The following SNX22 variants were observed in gnomAD, a reference collection of about 807,000 sequenced individuals.
SNX22 encodes the protein sorting nexin 22.
A neutral mutation model predicts 24.7 loss-of-function variants in SNX22; 23 were observed. The observed-to-expected ratio is 0.93, with a 90% CI of 0.67 to 1.32. The LOEUF is 1.32. SNX22 is among the 40% of genes most tolerant of loss of function. SNX22 has a pLI of 0.00. For missense variants in SNX22, 261 were observed against 249.9 expected (o/e 1.04, Z -0.30); for synonymous variants, 99 against 104.0 (o/e 0.95, Z 0.29).
rs559755138 is a variant in SNX22 at position 64,153,007 on chromosome 15, C to T, written c.265-238C>T. 9 of 615,162 alleles carry T rather than the reference C, an allele frequency of 1.5e-5. No homozygotes were observed. In the African/African-American group the frequency reaches 1.5e-4, roughly 10 times the overall value. The allele number at this position is 615,162 out of a possible 1,614,324, so 38.1% of individuals were successfully genotyped here. A position where few individuals can be genotyped will look rare whatever the true frequency, so the allele number is the denominator to read the frequency against. On this transcript the variant is annotated intron_variant, in intron 3 of 6. Coordinates refer to ENST00000325881, the MANE Select transcript of SNX22 (RefSeq NM_024798.3). ...CTCCATGGTGAGGTCCTGTGCTGCC[C>T]TCCTGATGGCATGTAGGGTGAGGGT...
At position 64,157,267 on chromosome 15, in the gene SNX22, G is replaced by A. The variant is rs1430763574; in HGVS notation, c.*2759G>A. On this transcript the variant is annotated 3_prime_UTR_variant, in exon 7 of 7. Transcript: ENST00000325881. The surrounding 1 kb of genome is among the most constrained non-coding windows in gnomAD (Gnocchi z 4.2). ...GGGAAGTGCCGTGCAGGATGCAGGG[G>A]AGTCAACAGGGTCGGAACTCTCCAG... 4 of 316,456 alleles carry A rather than the reference G, an allele frequency of 1.3e-5. No homozygotes were observed. Among genetic ancestry groups the A allele is most frequent in the Non-Finnish European group, 1.8e-5 (3 of 165,884 alleles). The allele number at this position is 316,456 out of a possible 1,614,324, so 19.6% of individuals were successfully genotyped here. A position where few individuals can be genotyped will look rare whatever the true frequency, so the allele number is the denominator to read the frequency against.
Position 64,151,864 on chromosome 15 carries a change from C to T in SNX22, c.75+14C>T, listed in dbSNP as rs1596022633. 3.9e-6 allele frequency: 6 copies of T among 1,529,718 alleles called. No individual in the cohort carries two copies. In the East Asian group the frequency reaches 1.3e-4, roughly 33 times the overall value. 94.8% of individuals were successfully genotyped at this position (1,529,718 alleles called of 1,614,324 possible). Reference sequence around the variant, plus strand: ...AAAAGCCACATGGTGAGCGCGGCCCCTGGATGGGGAGGGGCGCCGGGACCC... The same window carrying T: ...AAAAGCCACATGGTGAGCGCGGCCCTTGGATGGGGAGGGGCGCCGGGACCC... On this transcript the variant is annotated intron_variant, in intron 1 of 6. Coordinates refer to ENST00000325881, the MANE Select transcript of SNX22 (RefSeq NM_024798.3).
chr15:64,152,402 G>A (rs1388742472), intron 2 of SNX22, 76 bp downstream of exon 2: 6 of 1,424,636 alleles, frequency 4.2e-6, no homozygotes, highest in South Asian at 4.1e-5. Flanking sequence ...TGAGGCGGGC[G>A]GGCGAGCCCC....
At position 64,152,551 on chromosome 15, in the gene SNX22, G is replaced by T; in HGVS notation, c.160-87G>T. On this transcript the variant is annotated intron_variant, in intron 2 of 6. Transcript: ENST00000325881. ...TCTGTCCCAGTAGAGCCCGAAGGCG[G>T]GGGCGCGGGAGGGCTTCTGGCTGGG... is the stretch of plus-strand genomic sequence containing the variant. 2.2e-6 allele frequency: 3 copies of T among 1,384,154 alleles called. No homozygotes were observed. In the Admixed American group the frequency reaches 5.8e-5, roughly 27 times the overall value. The allele number at this position is 1,384,154 out of a possible 1,614,324, so 85.7% of individuals were successfully genotyped here.
intron 3 of SNX22, 26 bp downstream of exon 3, chr15:64,152,768 C>T (rs1484719485): frequency 1.9e-6 from 3 of 1,605,054 alleles, no homozygotes; most frequent in Non-Finnish European, 2.6e-6. Flanking sequence ...GTTGGTTGCC[C>T]CCCGGCCTTC....
In SNX22 at chr15:64,156,570, G is replaced by T; in HGVS notation, c.*2062G>T. On this transcript the variant is annotated 3_prime_UTR_variant, in exon 7 of 7. Coordinates refer to ENST00000325881, the MANE Select transcript of SNX22 (RefSeq NM_024798.3). This position sits in a 1 kb window ranked among gnomAD's most constrained non-coding sequence, Gnocchi z 6.4. ...AAGAATTTAGAACCTTGGAGGCATG[G>T]AGGTACAGGGTTTATTCTGGACAGG... 1.1e-6 allele frequency: 1 copy of T among 944,774 alleles called. No homozygotes were observed. The allele number at this position is 944,774 out of a possible 1,614,324, so 58.5% of individuals were successfully genotyped here.
intron 1 of SNX22, 121 bp from the exon 2 acceptor site, chr15:64,152,122 G>A: frequency 9.6e-7 from 1 of 1,045,504 alleles, no homozygotes; most frequent in Non-Finnish European, 1.3e-6. Context: ...GGCAGCCGCG[G>A]CGCCGCAAGG....
At chr15:64,152,959 C>T (rs1362865790) in intron 3 of SNX22, 1 of 607,946 alleles carries the variant, frequency 1.6e-6, no homozygotes, top group South Asian at 2.0e-5. Context: ...AGTCCCAGCT[C>T]CATGAAACCC....
In SNX22 at chr15:64,153,650, A is replaced by G; in HGVS notation, c.360-2A>G. 6.2e-7 allele frequency: 1 copy of G among 1,613,878 alleles called. No individual in the cohort carries two copies. Among genetic ancestry groups the G allele is most frequent in the Non-Finnish European group, 8.5e-7 (1 of 1,179,950 alleles). On this transcript the variant is annotated splice_acceptor_variant, in intron 4 of 6. Transcript: ENST00000325881. LOFTEE classifies it high-confidence loss of function. ...AGCTTACAGTGTTTCTCTTCTCTTCAGCACCCTGAGGGAGTTCCTGCCTGG... is the reference window on the plus strand; with the variant it reads ...AGCTTACAGTGTTTCTCTTCTCTTCGGCACCCTGAGGGAGTTCCTGCCTGG...
chr15:64,153,395 A>G, intron 4 of SNX22, 56 bp downstream of exon 4: 1 of 1,608,094 alleles, frequency 6.2e-7, no homozygotes, highest in Non-Finnish European at 8.5e-7. Context: ...AGGTGAGGAA[A>G]GGTGTTGGAG....
At position 64,154,665 on chromosome 15, in the gene SNX22, G is replaced by T; in HGVS notation, c.*157G>T. 2.1e-6 allele frequency: 2 copies of T among 935,188 alleles called. No homozygotes were observed. The highest frequency in any genetic ancestry group is 1.9e-5 in the South Asian group (1 of 52,926). 57.9% of individuals were successfully genotyped at this position (935,188 alleles called of 1,614,324 possible). A position where few individuals can be genotyped will look rare whatever the true frequency, so the allele number is the denominator to read the frequency against. ...CCACTCAAGGCTCAGAACTTGGCTCGCATTGGTAGCTGGAGGTGGTAGAAT... is the reference window on the plus strand; with the variant it reads ...CCACTCAAGGCTCAGAACTTGGCTCTCATTGGTAGCTGGAGGTGGTAGAAT... On this transcript the variant is annotated 3_prime_UTR_variant, in exon 7 of 7. Coordinates refer to ENST00000325881, the MANE Select transcript of SNX22 (RefSeq NM_024798.3).
chr15:64,155,136 G>GT lies in SNX22; in HGVS notation c.*629dup, dbSNP rs2081518408. ...CCGCCACCATGCCCGGCTAATTTTT[G>GT]TATTTTTAATAGAGATGGGTTTCAC... On this transcript the variant is annotated 3_prime_UTR_variant, in exon 7 of 7. Transcript: ENST00000325881. 2 of 151,278 alleles carry GT rather than the reference G, an allele frequency of 1.3e-5. No homozygotes were observed. Among genetic ancestry groups the GT allele is most frequent in the Admixed American group, 1.3e-4 (2 of 15,200 alleles). The allele number at this position is 151,278 out of a possible 1,614,324, so 9.4% of individuals were successfully genotyped here.
In SNX22 at chr15:64,155,855, C is replaced by A; in HGVS notation, c.*1347C>A. On this transcript the variant is annotated 3_prime_UTR_variant, in exon 7 of 7. Coordinates refer to ENST00000325881, the MANE Select transcript of SNX22 (RefSeq NM_024798.3). ...AAAACCCACATTTTTTTTTATTGGT[C>A]AGTGTTGGTAGGAGTTTGTTACAAA... The A allele has an allele frequency of 2.2e-6, 2 of 922,638 alleles. No homozygotes were observed. The highest frequency in any genetic ancestry group is 3.3e-6 in the Non-Finnish European group (2 of 603,748). The allele number at this position is 922,638 out of a possible 1,614,324, so 57.2% of individuals were successfully genotyped here.
In SNX22 at chr15:64,155,510, CA is replaced by C. The variant is rs3056904; in HGVS notation, c.*1026del. 0.082 allele frequency: 10,098 copies of C among 123,208 alleles called. 311 individuals carry two copies. The highest frequency in any genetic ancestry group is 0.22 in the African/African-American group (5,091 of 22,886). 7.6% of individuals were successfully genotyped at this position (123,208 alleles called of 1,614,324 possible). A position where few individuals can be genotyped will look rare whatever the true frequency, so the allele number is the denominator to read the frequency against. On this transcript the variant is annotated 3_prime_UTR_variant, in exon 7 of 7. Coordinates refer to ENST00000325881, the MANE Select transcript of SNX22 (RefSeq NM_024798.3). ...GCAACATAGTGAGACCTGTCTCTAC[CA>C]AAAAAAAAAAAAAAAAAAAAAAATC...
chr15:64,153,761 T>G (rs551602917), intron 5 of SNX22, 77 bp downstream of exon 5: 1 of 1,601,792 alleles, frequency 6.2e-7, no homozygotes, highest in Admixed American at 1.7e-5. Context: ...GCCTGCTGCC[T>G]GGGCCTGTCT....
chr15:64,153,721 G>A, intron 5 of SNX22, 37 bp downstream of exon 5: 1 of 1,613,844 alleles, frequency 6.2e-7, no homozygotes, highest in Non-Finnish European at 8.5e-7. Flanking sequence ...GGCCCCTGCT[G>A]CCCCCTAGTG....
Position 64,156,855 on chromosome 15 carries a change from T to C in SNX22, c.*2347T>C, listed in dbSNP as rs766970513. 6.2e-7 allele frequency: 1 copy of C among 1,614,190 alleles called. No individual in the cohort carries two copies. Among genetic ancestry groups the C allele is most frequent in the Non-Finnish European group, 8.5e-7 (1 of 1,180,032 alleles). ...GGCCATGCTCACCCAGCCAGGCCCG[T>C]AGTGCTTCAGTTTGAAGTTCTCATC... On this transcript the variant is annotated 3_prime_UTR_variant, in exon 7 of 7. Coordinates refer to ENST00000325881, the MANE Select transcript of SNX22 (RefSeq NM_024798.3). The surrounding 1 kb of genome is among the most constrained non-coding windows in gnomAD (Gnocchi z 6.4).
At chr15:64,153,623 G>T (rs766093192) in intron 4 of SNX22, 29 bp from the exon 5 acceptor site, 1 of 1,613,920 alleles carries the variant, frequency 6.2e-7, no homozygotes, top group Non-Finnish European at 8.5e-7. Flanking sequence ...GCATCCCCAG[G>T]CAGCTTACAG....
At chr15:64,153,150 C>T (rs187868735) in intron 3 of SNX22, 95 bp from the exon 4 acceptor site, 3 of 1,483,232 alleles carry the variant, frequency 2.0e-6, no homozygotes, top group East Asian at 4.6e-5. Flanking sequence ...TCGTGAAATT[C>T]TTTTTTTGGA....
Sources: allele counts gnomAD v4.1 joint callset, GRCh38; gene constraint gnomAD v4.1.1; non-coding constraint Gnocchi (gnomAD v3.1); transcripts MANE v1.5; gene names NCBI Gene and HGNC (gene_info 2026-07-23, HGNC 2026-07-21).